The following EBF1 variants were observed in gnomAD, a reference collection of about 807,000 sequenced individuals.
The protein encoded by EBF1 is transcription factor COE1.
EBF1 carries 10 observed loss-of-function variants against 68.4 expected under a neutral mutation model. That is an observed-to-expected ratio of 0.15 (90% CI 0.09 to 0.25). EBF1 has a LOEUF of 0.25. Ranked by LOEUF, EBF1 falls within the 10% of genes least tolerant of loss-of-function variation. EBF1 has a pLI of 1.00. For missense variants in EBF1, 509 were observed against 794.4 expected (o/e 0.64, Z 4.32); for synonymous variants, 298 against 299.8 (o/e 0.99, Z 0.06).
intron 9 of EBF1, among the ~76,000 whole-genome samples, chr5:158,784,204 A>G (rs956969459): frequency 2.6e-5 from 4 of 152,206 alleles, no homozygotes; most frequent in African/African-American, 7.2e-5. Context: ...GCTGGTTCAT[A>G]GATGAGAAAA....
intron 8 of EBF1, among the ~76,000 whole-genome samples, chr5:158,799,601 C>G (rs1040641214): frequency 1.3e-5 from 2 of 152,116 alleles, no homozygotes; most frequent in African/African-American, 4.8e-5. Flanking sequence ...TTCACAGACC[C>G]ATGTAGACCA....
At chr5:159,038,120 G>T (rs1280710107) in intron 6 of EBF1, among the ~76,000 whole-genome samples, 1 of 152,204 alleles carries the variant, frequency 6.6e-6, no homozygotes, top group East Asian at 1.9e-4. Flanking sequence ...CAATCCCAGA[G>T]ATTCAAGACC....
At chr5:158,906,690 G>A (rs1804717039) in intron 6 of EBF1, among the ~76,000 whole-genome samples, 1 of 152,224 alleles carries the variant, frequency 6.6e-6, no homozygotes, top group South Asian at 2.1e-4. Flanking sequence ...GAGATATTGA[G>A]TAACTTGCCC....
At chr5:158,712,835 T>C in intron 13 of EBF1, 135 bp downstream of exon 13, 1 of 856,058 alleles carries the variant, frequency 1.2e-6, no homozygotes, top group Non-Finnish European at 1.6e-6. Context: ...TGTACAATAA[T>C]ATCTTATACA....
At chr5:158,700,180 A>C (rs1756430673) in intron 15 of EBF1, among the ~76,000 whole-genome samples, 1 of 152,240 alleles carries the variant, frequency 6.6e-6, no homozygotes. Context: ...TAATTGCTTA[A>C]CTTTTCTGAG....
chr5:158,817,512 G>T (rs971408788), intron 8 of EBF1, among the ~76,000 whole-genome samples: 8 of 152,092 alleles, frequency 5.3e-5, no homozygotes, highest in Non-Finnish European at 8.8e-5. Context: ...CAGCCTGGAA[G>T]CCCTCACCAG....
At chr5:158,976,221 T>C (rs189587410) in intron 6 of EBF1, among the ~76,000 whole-genome samples, 3 of 152,336 alleles carry the variant, frequency 2.0e-5, no homozygotes, top group Admixed American at 6.5e-5. Flanking sequence ...AAAAAGAATC[T>C]AAATAACTCA....
chr5:158,989,143 AAC>A (rs1179975791), intron 6 of EBF1, among the ~76,000 whole-genome samples: 4 of 152,142 alleles, frequency 2.6e-5, no homozygotes, highest in African/African-American at 4.8e-5. Context: ...ACCCACCTCC[AAC>A]ACCTAATTGA....
At chr5:158,936,449 T>C (rs11747044) in intron 6 of EBF1, among the ~76,000 whole-genome samples, 2,849 of 152,316 alleles carry the variant, frequency 0.019, 44 homozygotes, top group Non-Finnish European at 0.03. Context: ...CCTAAAGTTG[T>C]AAAGACTAAA....
intron 6 of EBF1, among the ~76,000 whole-genome samples, chr5:158,951,493 G>A (rs967179557): frequency 2.0e-5 from 3 of 152,148 alleles, no homozygotes; most frequent in African/African-American, 4.8e-5. Context: ...AACCAGACAC[G>A]GAGTATGCTA....
At chr5:158,729,148 C>A (rs1029621231) in intron 11 of EBF1, among the ~76,000 whole-genome samples, 1 of 152,146 alleles carries the variant, frequency 6.6e-6, no homozygotes, top group African/African-American at 2.4e-5. Flanking sequence ...CTAAATAAGT[C>A]ATTGTAATAA....
chr5:158,935,041 A>G (rs1278526949), intron 6 of EBF1, among the ~76,000 whole-genome samples: 1 of 152,250 alleles, frequency 6.6e-6, no homozygotes, highest in East Asian at 1.9e-4. Context: ...AACTGACTAC[A>G]CTACATTTTT....
chr5:158,806,275 G>A (rs908987241), intron 8 of EBF1, among the ~76,000 whole-genome samples: 3 of 152,098 alleles, frequency 2.0e-5, no homozygotes, highest in African/African-American at 7.2e-5. Context: ...AACAAGGTGC[G>A]AACGAAAGAA....
chr5:158,750,828 C>G (rs1398323493), intron 10 of EBF1, among the ~76,000 whole-genome samples: 1 of 151,276 alleles, frequency 6.6e-6, no homozygotes, highest in Non-Finnish European at 1.5e-5. Context: ...CATTTAGTTA[C>G]CACAAATTAC....
chr5:158,919,768 G>A (rs74865779), intron 6 of EBF1, among the ~76,000 whole-genome samples: 1 of 152,016 alleles, frequency 6.6e-6, no homozygotes, highest in Admixed American at 6.6e-5. Context: ...CATATGCATC[G>A]ATTATCTCAT....
chr5:158,698,959 G>T lies in EBF1; in HGVS notation c.*152C>A. ...CCTCTTCCAATTTCAGTATTTGCAAGGTCGGTGATTTTGTTTGTTTAAAAA... is the reference window on the plus strand; with the variant it reads ...CCTCTTCCAATTTCAGTATTTGCAATGTCGGTGATTTTGTTTGTTTAAAAA... On this transcript the variant is annotated 3_prime_UTR_variant, in exon 16 of 16. Transcript: ENST00000313708. 1.7e-6 allele frequency: 1 copy of T among 598,852 alleles called. No homozygotes were observed. Among genetic ancestry groups the T allele is most frequent in the Non-Finnish European group, 2.7e-6 (1 of 371,972 alleles). The allele number at this position is 598,852 out of a possible 1,614,324, so 37.1% of individuals were successfully genotyped here. A position where few individuals can be genotyped will look rare whatever the true frequency, so the allele number is the denominator to read the frequency against.
chr5:158,928,669 C>G (rs1426607918), intron 6 of EBF1, among the ~76,000 whole-genome samples: 1 of 152,152 alleles, frequency 6.6e-6, no homozygotes, highest in African/African-American at 2.4e-5. Flanking sequence ...GTGGGAACCT[C>G]TACAAAAAGA....
intron 6 of EBF1, among the ~76,000 whole-genome samples, chr5:158,868,291 C>T (rs1796290400): frequency 6.6e-6 from 1 of 151,936 alleles, no homozygotes; most frequent in Admixed American, 6.6e-5. Flanking sequence ...ATTCTTTCAA[C>T]TTATGTGTTA....
chr5:158,871,322 A>AT lies in EBF1; in HGVS notation c.555-31213dup, dbSNP rs369153257. On this transcript the variant is annotated intron_variant, in intron 6 of 15. Coordinates refer to ENST00000313708, the MANE Select transcript of EBF1 (RefSeq NM_024007.5). ...AAAACAAAGTTCTGCATGAGAACAAATCTGCATGACCATCCCCTCCTGACT... is the reference window on the plus strand; with the variant it reads ...AAAACAAAGTTCTGCATGAGAACAAATTCTGCATGACCATCCCCTCCTGACT... 2.0e-3 allele frequency among the ~76,000 whole-genome samples: 309 copies of AT among 152,376 alleles called. 3 individuals carry two copies. The highest frequency in any genetic ancestry group is 7.3e-3 in the African/African-American group (302 of 41,592).
Sources: gnomAD v4.1 joint callset for allele counts (sites outside exome capture counted in the v4.1 genomes callset) on GRCh38, gnomAD v4.1.1 for gene constraint, MANE v1.5 for transcripts, NCBI Gene and HGNC (gene_info 2026-07-23, HGNC 2026-07-21) for gene names.